Variants in NMNAT2 observed in about 807,000 individuals in gnomAD.
NMNAT2 encodes nicotinamide nucleotide adenylyltransferase 2, also known as nicotinamide/nicotinic acid mononucleotide adenylyltransferase 2.
In NMNAT2, 11 loss-of-function variants were observed where a neutral mutation model predicts 41.6. The observed-to-expected ratio is 0.26, with a 90% CI of 0.17 to 0.44. The LOEUF (loss-of-function observed/expected upper bound fraction) is 0.44. NMNAT2 is among the 20% of genes least tolerant of loss of function. The pLI is 1.00. For synonymous variants in NMNAT2, 148 were observed against 151.2 expected (o/e 0.98, Z 0.16); for missense variants, 288 against 407.7 (o/e 0.71, Z 2.53).
intron 1 of NMNAT2, among the ~76,000 whole-genome samples, chr1:183,340,132 C>T (rs563367052): frequency 8.5e-5 from 13 of 152,304 alleles, no homozygotes; most frequent in Admixed American, 5.2e-4. Context: ...CTTTCTGGCT[C>T]TCCCCTTCTG....
At chr1:183,389,736 A>G (rs1009375968) in intron 1 of NMNAT2, among the ~76,000 whole-genome samples, 8 of 76,468 alleles carry the variant, frequency 1.0e-4, no homozygotes, top group Non-Finnish European at 1.6e-4. Flanking sequence ...ACCCTGTCAA[A>G]AAAGAAAGAA....
chr1:183,343,192 C>T (rs1662856915), intron 1 of NMNAT2, among the ~76,000 whole-genome samples: 1 of 152,192 alleles, frequency 6.6e-6, no homozygotes, highest in Non-Finnish European at 1.5e-5. Context: ...CAAGCAATCA[C>T]CAAGCCGTGT....
At chr1:183,375,739 G>C (rs1304943843) in intron 1 of NMNAT2, among the ~76,000 whole-genome samples, 1 of 152,158 alleles carries the variant, frequency 6.6e-6, no homozygotes, top group Non-Finnish European at 1.5e-5. Context: ...ATTGAACGAA[G>C]AGTCCATGTT....
intron 1 of NMNAT2, among the ~76,000 whole-genome samples, chr1:183,369,519 C>T (rs1302944810): frequency 1.3e-5 from 2 of 152,034 alleles, no homozygotes; most frequent in Non-Finnish European, 2.9e-5. Context: ...CCTCATGATC[C>T]ACCTGCCTCG....
chr1:183,260,683 G>A (rs1364802452), intron 10 of NMNAT2, among the ~76,000 whole-genome samples: 1 of 152,088 alleles, frequency 6.6e-6, no homozygotes, highest in African/African-American at 2.4e-5. Flanking sequence ...GCTGGGCATA[G>A]TAGCATGTGC....
intron 1 of NMNAT2, among the ~76,000 whole-genome samples, chr1:183,347,451 A>T (rs1465322073): frequency 2.6e-5 from 4 of 152,042 alleles, no homozygotes; most frequent in Admixed American, 2.6e-4. Flanking sequence ...GCAAGACCCT[A>T]TCTCTCTAAA....
At chr1:183,265,258 C>CTTTTT (rs67117635) in intron 8 of NMNAT2, among the ~76,000 whole-genome samples, 177 of 64,526 alleles carry the variant, frequency 2.7e-3, no homozygotes, top group Non-Finnish European at 2.9e-3. Context: ...TCTTCTTCTT[C>CTTTTT]TTTTTTTTTT....
At chr1:183,254,418 T>TTTTG (rs142232887) in intron 10 of NMNAT2, among the ~76,000 whole-genome samples, 32 of 151,892 alleles carry the variant, frequency 2.1e-4, no homozygotes, top group Middle Eastern at 3.4e-3. Flanking sequence ...TCTTCTGGTG[T>TTTTG]TTTGTTTGTT....
At chr1:183,270,322 T>C (rs1161611659) in intron 8 of NMNAT2, among the ~76,000 whole-genome samples, 7 of 152,188 alleles carry the variant, frequency 4.6e-5, no homozygotes, top group Non-Finnish European at 1.0e-4. Context: ...AGTATACTTC[T>C]GGATGAGTTT....
chr1:183,407,825 T>A (rs1649003307), intron 1 of NMNAT2, among the ~76,000 whole-genome samples: 1 of 152,228 alleles, frequency 6.6e-6, no homozygotes, highest in Non-Finnish European at 1.5e-5. Flanking sequence ...TATAAGATAT[T>A]ACATTTAAAG....
rs1388997526 is a variant in NMNAT2, at chr1:183,250,955, A to C, written c.*1686T>G. On this transcript the variant is annotated 3_prime_UTR_variant, in exon 11 of 11. Transcript: ENST00000287713. Reference sequence around the variant, plus strand: ...TACTAGATTTTGATAAAAGTATCCTAATACTCAGGGACTATTTCTCAAAGA... The same window carrying C: ...TACTAGATTTTGATAAAAGTATCCTCATACTCAGGGACTATTTCTCAAAGA... 1 of 152,276 alleles carries C rather than the reference A, an allele frequency of 6.6e-6. No homozygotes were observed. The highest frequency in any genetic ancestry group is 1.5e-5 in the Non-Finnish European group (1 of 68,014). 9.4% of individuals were successfully genotyped at this position (152,276 alleles called of 1,614,324 possible).
intron 1 of NMNAT2, among the ~76,000 whole-genome samples, chr1:183,417,951 A>C (rs1464076444): frequency 1.5e-4 from 20 of 132,678 alleles, no homozygotes; most frequent in East Asian, 2.2e-4. Flanking sequence ...CCCATCCCCC[A>C]CCTTTGGCCC....
intron 10 of NMNAT2, among the ~76,000 whole-genome samples, chr1:183,256,214 T>C (rs1558106547): frequency 6.6e-6 from 1 of 152,002 alleles, no homozygotes; most frequent in Admixed American, 6.6e-5. Flanking sequence ...GAGCCCAGTC[T>C]GGCCAACATA....
intron 8 of NMNAT2, among the ~76,000 whole-genome samples, chr1:183,268,331 C>A (rs1000112171): frequency 6.6e-6 from 1 of 152,154 alleles, no homozygotes; most frequent in Non-Finnish European, 1.5e-5. Context: ...CTTAGCCAGG[C>A]ACTTTCCTAG....
At chr1:183,329,563 G>C (rs1283015178) in intron 1 of NMNAT2, among the ~76,000 whole-genome samples, 5 of 152,180 alleles carry the variant, frequency 3.3e-5, no homozygotes, top group Admixed American at 3.3e-4. Context: ...GGATGACCCT[G>C]CTAAGATCAT....
At chr1:183,351,901 G>C (rs143256334) in intron 1 of NMNAT2, among the ~76,000 whole-genome samples, 103 of 152,238 alleles carry the variant, frequency 6.8e-4, no homozygotes, top group African/African-American at 2.4e-3. Context: ...AGGTGACCAG[G>C]GTGTGATTTG....
intron 1 of NMNAT2, among the ~76,000 whole-genome samples, chr1:183,361,544 T>A (rs1256780086): frequency 2.0e-5 from 3 of 152,188 alleles, no homozygotes; most frequent in Admixed American, 1.3e-4. Flanking sequence ...TTCTAGATGC[T>A]CAATAAATAT....
At chr1:183,397,827 G>C (rs1258587806) in intron 1 of NMNAT2, among the ~76,000 whole-genome samples, 1 of 152,184 alleles carries the variant, frequency 6.6e-6, no homozygotes, top group Admixed American at 6.5e-5. Flanking sequence ...ATAAGTGAAA[G>C]AGAAATAAAA....
rs201746612 is a variant in NMNAT2 at position 183,292,842 on chromosome 1, G to A, written c.190C>T (p.Arg64Trp). ...SYGKQGLVSS[R>W]HRLIMCQLAV... The stretch of plus-strand genomic sequence containing the variant: ...AGCTGACACATGATGAGACGGTGCC[G>A]GCTTGACACGAGGCCCTGGGAAGCA... The change falls in exon 3 of 11, where the codon CGG (arginine) becomes TGG (tryptophan). Residue 64 changes from arginine to tryptophan, a missense_variant. Arg to Trp is a moderately radical substitution (Grantham distance 101). Coordinates refer to ENST00000287713, the MANE Select transcript of NMNAT2 (RefSeq NM_015039.4). The A allele has an allele frequency of 5.0e-6, 8 of 1,613,894 alleles. No homozygotes were observed. Among genetic ancestry groups the A allele is most frequent in the East Asian group, 2.2e-5 (1 of 44,872 alleles).
Sources: allele counts gnomAD v4.1 joint callset (sites outside exome capture counted in the v4.1 genomes callset), GRCh38; gene constraint gnomAD v4.1.1; transcripts MANE v1.5; gene names NCBI Gene and HGNC (gene_info 2026-07-23, HGNC 2026-07-21).